Variants in BRWD3 observed in about 807,000 individuals in gnomAD.
BRWD3 encodes bromodomain and WD repeat domain containing 3.
Under a neutral mutation model 149.7 loss-of-function variants are expected in BRWD3, and 10 were observed. The observed-to-expected ratio is 0.07, with a 90% CI of 0.04 to 0.11. BRWD3 has a LOEUF of 0.11. BRWD3 is among the 10% of genes least tolerant of loss of function. The pLI, the probability that BRWD3 is intolerant of heterozygous loss-of-function variation, is 1.00. For synonymous variants in BRWD3, 504 were observed against 456.7 expected, an observed-to-expected ratio of 1.10 and a Z score of -1.32; for missense variants, 940 against 1,373.2, an observed-to-expected ratio of 0.68 and a Z score of 4.99.
chrX:80,698,803 T>A (rs2072740088), intron 25 of BRWD3, among the ~76,000 whole-genome samples: 1 of 111,233 alleles, frequency 9.0e-6, no homozygotes, highest in Admixed American at 9.6e-5. Flanking sequence ...AGATGGGAGC[T>A]GTCCCTATCT....
At chrX:80,804,676 C>A (rs1408766853) in intron 4 of BRWD3, among the ~76,000 whole-genome samples, 1 of 112,171 alleles carries the variant, frequency 8.9e-6, no homozygotes, top group Non-Finnish European at 1.9e-5. Flanking sequence ...ACACACACAA[C>A]CTTGATTACT....
At chrX:80,703,124 TG>T (rs1415144573) in intron 24 of BRWD3, among the ~76,000 whole-genome samples, 3 of 111,302 alleles carry the variant, frequency 2.7e-5, no homozygotes, top group Admixed American at 1.9e-4. Context: ...GAACGTGTTT[TG>T]TTTTTTTTTA....
intron 4 of BRWD3, among the ~76,000 whole-genome samples, chrX:80,808,306 C>G (rs2074370212): frequency 9.1e-6 from 1 of 109,354 alleles, no homozygotes; most frequent in African/African-American, 3.3e-5. Context: ...CACGGCACCT[C>G]TGATAATCAA....
intron 6 of BRWD3, among the ~76,000 whole-genome samples, chrX:80,770,440 G>C (rs1173898891): frequency 9.0e-6 from 1 of 111,657 alleles, no homozygotes; most frequent in Non-Finnish European, 1.9e-5. Context: ...CGCAAGGCTG[G>C]TTCAGCATAC....
chrX:80,742,439 T>C (rs79555791), intron 8 of BRWD3, among the ~76,000 whole-genome samples: 15 of 102,413 alleles, frequency 1.5e-4, no homozygotes, highest in East Asian at 3.1e-4. Flanking sequence ...TGAAGAAAGT[T>C]ATTGGTAGCT....
At chrX:80,793,516 G>T in intron 5 of BRWD3, 106 bp downstream of exon 5, 1 of 891,748 alleles carries the variant, frequency 1.1e-6, no homozygotes, top group Non-Finnish European at 1.6e-6. Context: ...GGCAAGATAA[G>T]AAAAACTAGT....
In BRWD3 at chrX:80,793,627, G is replaced by A. The variant is rs769778027; in HGVS notation, c.326C>T (p.Ala109Val). 8.3e-7 allele frequency: 1 copy of A among 1,208,915 alleles called. No individual in the cohort carries two copies. Among genetic ancestry groups the A allele is most frequent in the Admixed American group, 2.2e-5 (1 of 45,756 alleles). The change falls in exon 5 of 41, where the codon GCC becomes GTC. Residue 109 changes from alanine (A) to valine (V), a missense_variant. By Grantham distance (64) the Ala-to-Val change is moderately conservative. Coordinates refer to ENST00000373275, the MANE Select transcript of BRWD3 (RefSeq NM_153252.5). The stretch of plus-strand genomic sequence containing the variant: ...CTAAATTCTGAAAATCTCACCTTTG[G>A]CATCCCGTAGCAGAGACTGCCGACC... ...GVGRQSLLRD[A>V]KDCKSTLWNG...
intron 16 of BRWD3, 70 bp downstream of exon 16, chrX:80,723,678 G>A: frequency 9.0e-7 from 1 of 1,110,675 alleles, no homozygotes; most frequent in Non-Finnish European, 1.2e-6. Flanking sequence ...TTAACTGGAG[G>A]GCTTTAAACA....
chrX:80,722,682 G>T lies in BRWD3; in HGVS notation c.1756C>A (p.Pro586Thr). Residue 586 changes from proline to threonine, a missense_variant, in exon 17 of 41, where the codon CCT becomes ACT. By Grantham distance (38) the Pro-to-Thr change is conservative. Transcript: ENST00000373275. ...CCATCAACATCCACCAAAAATGGAG[G>T]AGGCATGAGGTGAGGAGCTTGTTGG... ...QTQQAPHLMP[P>T]PFLVDVDGNP... The T allele has an allele frequency of 8.3e-7, 1 of 1,210,338 alleles. No individual in the cohort carries two copies. The highest frequency in any genetic ancestry group is 1.1e-6 in the Non-Finnish European group (1 of 894,243).
rs1017501526 is a variant in BRWD3, at chrX:80,792,564, C to T, written c.332-612G>A. Among the ~76,000 whole-genome samples, 20 of 111,435 alleles carry T rather than the reference C, an allele frequency of 1.8e-4. 1 individual carries two copies. The highest frequency in any genetic ancestry group is 6.2e-4 in the African/African-American group (19 of 30,691). On this transcript the variant is annotated intron_variant, in intron 5 of 40. Transcript: ENST00000373275. The stretch of plus-strand genomic sequence containing the variant: ...ACCCAAAAGCTCTCTTGAAAGTTTC[C>T]AAATAAACTCAATTAAGAATTTCCT...
At chrX:80,793,873 T>C in intron 4 of BRWD3, 101 bp from the exon 5 acceptor site, 1 of 901,247 alleles carries the variant, frequency 1.1e-6, no homozygotes. Flanking sequence ...TAGAGCAAAG[T>C]ACAGTTTTAA....
Position 80,670,435 on chromosome X carries a change from A to C in BRWD3, c.*6174T>G, listed in dbSNP as rs748982303. ...AGAGCACCTTTTTCTTGACCTTCTC[A>C]ACTTGGAAAAAAAATGGATCCCCAG... is the stretch of plus-strand genomic sequence containing the variant. On this transcript the variant is annotated 3_prime_UTR_variant, in exon 41 of 41. Coordinates refer to ENST00000373275, the MANE Select transcript of BRWD3 (RefSeq NM_153252.5). Among the ~76,000 whole-genome samples the C allele has an allele frequency of 9.1e-6, 1 of 110,361 alleles. No homozygotes were observed. The highest frequency in any genetic ancestry group is 3.9e-4 in the South Asian group (1 of 2,563).
At position 80,728,905 on chromosome X, in the gene BRWD3, G is replaced by A. The variant is rs1405544151; in HGVS notation, c.1233C>T (p.Gly411=). 8.3e-7 allele frequency: 1 copy of A among 1,204,844 alleles called. No homozygotes were observed. Among genetic ancestry groups the A allele is most frequent in the African/African-American group, 1.8e-5 (1 of 57,058 alleles). Residue 411 remains glycine, a splice_region_variant and synonymous_variant, in exon 14 of 41, where the codon GGC becomes GGT. Transcript: ENST00000373275. ...IVLDMATKMT[G]NNLPSGEDKI... ...TGTCTTCTCCAGATGGCAAATTATTGCTAAACAAAACAATTTGCAGTATTC... is the reference window on the plus strand; with the variant it reads ...TGTCTTCTCCAGATGGCAAATTATTACTAAACAAAACAATTTGCAGTATTC...
intron 6 of BRWD3, among the ~76,000 whole-genome samples, chrX:80,783,985 A>T (rs1339559627): frequency 1.8e-5 from 2 of 111,858 alleles, no homozygotes; most frequent in Non-Finnish European, 3.8e-5. Flanking sequence ...ATAGTTAGAT[A>T]CAATGAGTAA....
intron 12 of BRWD3, among the ~76,000 whole-genome samples, chrX:80,730,389 A>AAAAC (rs1555972863): frequency 1.3e-5 from 1 of 77,661 alleles, no homozygotes; most frequent in East Asian, 4.0e-4. Context: ...ATTATTTAGC[A>AAAAC]AAAGAAAGAA....
Position 80,684,067 on chromosome X carries a change from C to T in BRWD3, c.4176G>A (p.Lys1392=). The change falls in exon 37 of 41, where the codon AAG becomes AAA. Residue 1392 remains lysine (K), a synonymous_variant. Coordinates refer to ENST00000373275, the MANE Select transcript of BRWD3 (RefSeq NM_153252.5). ...GNYGSPLEFY[K]DVRQIFNNSK... is the part of the protein sequence containing the mutation. Reference sequence around the variant, plus strand: ...AGTTGTTGAATATTTGGCGAACATCCTTATAAAATTCCAGAGGACTACCAT... The same window carrying T: ...AGTTGTTGAATATTTGGCGAACATCTTTATAAAATTCCAGAGGACTACCAT... 2 of 1,207,988 alleles carry T rather than the reference C, an allele frequency of 1.7e-6. No individual in the cohort carries two copies. Among genetic ancestry groups the T allele is most frequent in the Admixed American group, 2.2e-5 (1 of 45,829 alleles).
chrX:80,677,049 G>T lies in BRWD3; in HGVS notation c.4969C>A (p.Gln1657Lys), dbSNP rs1169329257. Residue 1657 changes from glutamine to lysine, a missense_variant, in exon 41 of 41, where the codon CAA becomes AAA. Gln to Lys is a moderately conservative substitution (Grantham distance 53). Transcript: ENST00000373275. ...QTRPKRKLRK[Q>K]HGNGKRNWKT... Reference sequence around the variant, plus strand: ...CAATTTCTTTTTCCATTGCCATGTTGCTTTCTGAGTTTTCTTTTAGGTCTG... The same window carrying T: ...CAATTTCTTTTTCCATTGCCATGTTTCTTTCTGAGTTTTCTTTTAGGTCTG... The T allele has an allele frequency of 5.8e-6, 7 of 1,210,934 alleles. No individual in the cohort carries two copies. Among genetic ancestry groups the T allele is most frequent in the Non-Finnish European group, 7.8e-6 (7 of 895,208 alleles).
chrX:80,742,837 G>A (rs1417993702), intron 8 of BRWD3, among the ~76,000 whole-genome samples: 1 of 111,488 alleles, frequency 9.0e-6, no homozygotes, highest in Non-Finnish European at 1.9e-5. Flanking sequence ...CATGTCATCT[G>A]CAAACAGGGA....
At chrX:80,780,854 G>A (rs2074049145) in intron 6 of BRWD3, among the ~76,000 whole-genome samples, 1 of 112,109 alleles carries the variant, frequency 8.9e-6, no homozygotes, top group African/African-American at 3.2e-5. Context: ...CAGAAACCCA[G>A]TCACCTCAGC....
Sources: allele counts gnomAD v4.1 joint callset (sites outside exome capture counted in the v4.1 genomes callset), GRCh38; gene constraint gnomAD v4.1.1; transcripts MANE v1.5; gene names NCBI Gene and HGNC (gene_info 2026-07-23, HGNC 2026-07-21).